VPS53: variants seen among roughly 807,000 people sequenced by gnomAD.
VPS53 encodes the protein VPS53 subunit of GARP complex, also known as vacuolar protein sorting-associated protein 53 homolog.
In VPS53, 70 loss-of-function variants were observed where a neutral mutation model predicts 107.0. The ratio of observed to expected loss-of-function variants is 0.65; its 90% CI spans 0.54 to 0.80. The LOEUF is 0.80. Ranked by LOEUF, VPS53 falls within the 30% of genes least tolerant of loss-of-function variation. The pLI is 0.00. For missense variants in VPS53, 917 were observed against 1,049.4 expected (o/e 0.87, Z 1.74); for synonymous variants, 409 against 393.3 (o/e 1.04, Z -0.47).
chr17:712,740 G>A (rs909561076), intron 1 of VPS53, among the ~76,000 whole-genome samples: 7 of 152,042 alleles, frequency 4.6e-5, no homozygotes, highest in African/African-American at 9.7e-5. Context: ...AGAATTCACC[G>A]CTATGTAATT....
chr17:520,014 A>C lies in VPS53; in HGVS notation c.2224-84T>G. On this transcript the variant is annotated intron_variant, in intron 20 of 21. Transcript: ENST00000437048. This position sits in a 1 kb window ranked among gnomAD's most constrained non-coding sequence, Gnocchi z 4.4. The stretch of plus-strand genomic sequence containing the variant: ...CAGGAGCGGGCCCTCAAGAAAACTC[A>C]CTACCCACCGCAGGAGGAGACGGGA... The C allele has an allele frequency of 2.1e-6, 2 of 936,384 alleles. No individual in the cohort carries two copies. The highest frequency in any genetic ancestry group is 1.4e-5 in the South Asian group (1 of 69,212). 58.0% of individuals were successfully genotyped at this position (936,384 alleles called of 1,614,324 possible). A position where few individuals can be genotyped will look rare whatever the true frequency, so the allele number is the denominator to read the frequency against.
chr17:674,582 A>C (rs772164412), intron 4 of VPS53: 1 of 152,188 alleles, frequency 6.6e-6, no homozygotes, highest in Non-Finnish European at 1.5e-5. Context: ...GAACACAGAG[A>C]GTTCTCTTCA....
intron 7 of VPS53, among the ~76,000 whole-genome samples, chr17:650,137 C>CA (rs1970880338): frequency 6.6e-6 from 1 of 152,084 alleles, no homozygotes; most frequent in South Asian, 2.1e-4. Flanking sequence ...AGAGACTACT[C>CA]AAAGAAAGGA....
At chr17:566,266 A>C (rs2151858327) in intron 13 of VPS53, among the ~76,000 whole-genome samples, 1 of 151,954 alleles carries the variant, frequency 6.6e-6, no homozygotes, top group East Asian at 1.9e-4. Context: ...CACGGTAGGC[A>C]ATGCTAATCA....
chr17:684,963 G>A (rs1972533185), intron 4 of VPS53: 1 of 152,034 alleles, frequency 6.6e-6, no homozygotes, highest in African/African-American at 2.4e-5. Flanking sequence ...ACTCCAGCCT[G>A]GGCAACAAGA....
intron 11 of VPS53, among the ~76,000 whole-genome samples, chr17:612,483 G>A (rs1302366362): frequency 7.7e-6 from 1 of 130,224 alleles, no homozygotes; most frequent in Non-Finnish European, 1.6e-5. Flanking sequence ...GATATTCACA[G>A]CAGTATTCAA....
chr17:655,113 C>T (rs1971133482), intron 6 of VPS53, among the ~76,000 whole-genome samples: 1 of 152,192 alleles, frequency 6.6e-6, no homozygotes, highest in South Asian at 2.1e-4. Flanking sequence ...CTTTCCCTGT[C>T]CACATACGGA....
chr17:606,635 G>A (rs115203336), intron 11 of VPS53, among the ~76,000 whole-genome samples: 1,803 of 152,210 alleles, frequency 0.012, 32 homozygotes, highest in African/African-American at 0.041. Context: ...CCCAACCCCT[G>A]GGCCACAGTC....
intron 4 of VPS53, among the ~76,000 whole-genome samples, chr17:692,413 C>T (rs906910210): frequency 2.0e-5 from 3 of 152,146 alleles, no homozygotes; most frequent in East Asian, 1.9e-4. Context: ...AGAGCATCAT[C>T]GTCTGGTTAG....
intron 15 of VPS53, 112 bp downstream of exon 15, chr17:560,314 T>C (rs1912815566): frequency 2.2e-6 from 3 of 1,380,246 alleles, no homozygotes; most frequent in Non-Finnish European, 1.9e-6. Context: ...CCAACTGGTC[T>C]GACCCAAGGT....
intron 5 of VPS53, among the ~76,000 whole-genome samples, chr17:659,478 G>A (rs1971356363): frequency 6.6e-6 from 1 of 152,008 alleles, no homozygotes; most frequent in Non-Finnish European, 1.5e-5. Context: ...ACACGGTTTT[G>A]CCATGTTGGC....
intron 11 of VPS53, among the ~76,000 whole-genome samples, chr17:605,634 C>G (rs1411358054): frequency 8.3e-6 from 1 of 120,370 alleles, no homozygotes; most frequent in African/African-American, 3.3e-5. Flanking sequence ...GGCGAGAGTC[C>G]CATCATATTG....
intron 11 of VPS53, among the ~76,000 whole-genome samples, chr17:609,233 A>G (rs1413162836): frequency 6.6e-6 from 1 of 152,028 alleles, no homozygotes; most frequent in Non-Finnish European, 1.5e-5. Context: ...GGTATTTCCT[A>G]TAGATGGAAT....
At chr17:553,493 G>C in intron 15 of VPS53, 31 bp from the exon 16 acceptor site, 1 of 1,505,398 alleles carries the variant, frequency 6.6e-7, no homozygotes, top group Non-Finnish European at 9.2e-7. Flanking sequence ...TGGATGCACG[G>C]TTAATGATTA....
At position 516,151 on chromosome 17, in the gene VPS53, A is replaced by C. The variant is rs2151787799; in HGVS notation, c.*2977T>G. The C allele has an allele frequency of 6.6e-6, 1 of 151,898 alleles. No homozygotes were observed. Among genetic ancestry groups the C allele is most frequent in the African/African-American group, 2.4e-5 (1 of 41,390 alleles). 9.4% of individuals were successfully genotyped at this position (151,898 alleles called of 1,614,324 possible). A position where few individuals can be genotyped will look rare whatever the true frequency, so the allele number is the denominator to read the frequency against. On this transcript the variant is annotated 3_prime_UTR_variant, in exon 22 of 22. Transcript: ENST00000437048. ...CTGTTATCAGTAGAGAATCTTCACC[A>C]CGTTGGCACCAGCTCAAGTGTAGTG...
In VPS53 at chr17:593,397, G is replaced by A. The variant is rs989779363; in HGVS notation, c.1219-7033C>T. ...AACTACAAAATGGGAGAAAATTTTC[G>A]CAACCTACTCATCTGACAAAGGGCT... is the stretch of plus-strand genomic sequence containing the variant. On this transcript the variant is annotated intron_variant, in intron 12 of 21. Coordinates refer to ENST00000437048, the MANE Select transcript of VPS53 (RefSeq NM_001128159.3). 1.9e-3 allele frequency among the ~76,000 whole-genome samples: 288 copies of A among 152,112 alleles called. 1 individual carries two copies. Among genetic ancestry groups the A allele is most frequent in the African/African-American group, 6.6e-3 (275 of 41,500 alleles).
At chr17:573,389 C>T (rs1270057135) in intron 13 of VPS53, among the ~76,000 whole-genome samples, 2 of 152,256 alleles carry the variant, frequency 1.3e-5, no homozygotes, top group East Asian at 1.9e-4. Context: ...CCTGCCTCCT[C>T]CCTGAGTACT....
chr17:586,407 T>C (rs183982320), intron 12 of VPS53, 43 bp from the exon 13 acceptor site: 225 of 1,575,486 alleles, frequency 1.4e-4, no homozygotes, highest in Non-Finnish European at 1.8e-4. Flanking sequence ...TGAGTGATCT[T>C]TGCAAATGTT....
At chr17:677,324 C>T (rs1972208318) in intron 4 of VPS53, among the ~76,000 whole-genome samples, 1 of 152,126 alleles carries the variant, frequency 6.6e-6, no homozygotes, top group African/African-American at 2.4e-5. Flanking sequence ...CTGAAGACCA[C>T]AGAAGTGAAA....
Sources: gnomAD v4.1 joint callset for allele counts (sites outside exome capture counted in the v4.1 genomes callset) on GRCh38, gnomAD v4.1.1 for gene constraint, Gnocchi (gnomAD v3.1) non-coding constraint, MANE v1.5 for transcripts, NCBI Gene and HGNC (gene_info 2026-07-23, HGNC 2026-07-21) for gene names.